Variants in CD8B observed in about 807,000 individuals in gnomAD.
CD8B encodes the protein CD8 subunit beta.
CD8B carries 6 observed loss-of-function variants against 24.2 expected under a neutral mutation model. That is an observed-to-expected ratio of 0.25 (90% CI 0.14 to 0.49). CD8B has a LOEUF of 0.49. Ranked by LOEUF, CD8B falls within the 20% of genes least tolerant of loss-of-function variation. The pLI, the probability that CD8B is intolerant of heterozygous loss-of-function variation, is 0.98. For synonymous variants in CD8B, 84 were observed against 108.3 expected, an observed-to-expected ratio of 0.78 and a Z score of 1.39; for missense variants, 196 against 271.3, an observed-to-expected ratio of 0.72 and a Z score of 1.95.
chr2:86,859,002 C>T (rs1676433959), intron 1 of CD8B, among the ~76,000 whole-genome samples: 1 of 152,052 alleles, frequency 6.6e-6, no homozygotes, highest in African/African-American at 2.4e-5. Flanking sequence ...TGTAAGTGGC[C>T]TAGGAGTCAA....
At chr2:86,860,951 C>G (rs1187661043) in intron 1 of CD8B, among the ~76,000 whole-genome samples, 1 of 152,212 alleles carries the variant, frequency 6.6e-6, no homozygotes, top group African/African-American at 2.4e-5. Flanking sequence ...ATGTTCCCCT[C>G]GGTAACCCAG....
intron 2 of CD8B, among the ~76,000 whole-genome samples, chr2:86,857,251 C>G (rs1342850598): frequency 6.6e-6 from 1 of 152,142 alleles, no homozygotes; most frequent in Non-Finnish European, 1.5e-5. Context: ...GGGCACCTGC[C>G]CCTAGAAATG....
At chr2:86,836,381 C>A (rs536322163), downstream of CD8B, among the ~76,000 whole-genome samples, 44 of 152,112 alleles carry the variant, frequency 2.9e-4, no homozygotes, top group Non-Finnish European at 6.2e-4. Context: ...AGACTGCGAG[C>A]CCTGGGGGCC....
chr2:86,828,306 TTG>T (rs72236144), intron 5 of CD8B, among the ~76,000 whole-genome samples: 5,878 of 142,242 alleles, frequency 0.041, 232 homozygotes, highest in African/African-American at 0.11. Context: ...ATAACTGGAA[TTG>T]TGTGTGTGTG....
At chr2:86,817,578 TATTC>T (rs907628178) in intron 5 of CD8B, among the ~76,000 whole-genome samples, 1 of 152,168 alleles carries the variant, frequency 6.6e-6, no homozygotes, top group Non-Finnish European at 1.5e-5. Context: ...TGCCATATAT[TATTC>T]ATTATTATGT....
At chr2:86,828,306 T>TTGTGTG (rs72236144) in intron 5 of CD8B, among the ~76,000 whole-genome samples, 264 of 143,504 alleles carry the variant, frequency 1.8e-3, no homozygotes, top group East Asian at 3.2e-3. Context: ...ATAACTGGAA[T>TTGTGTG]TGTGTGTGTG....
intron 5 of CD8B, among the ~76,000 whole-genome samples, chr2:86,831,882 A>C (rs6705448): frequency 0.79 from 119,635 of 152,148 alleles, 47,429 homozygotes; most frequent in East Asian, 0.98. Context: ...AGGAAAAAAA[A>C]CAAAATGAAA....
Position 86,838,166 on chromosome 2 carries a change from CT to C in CD8B, c.*4140del, listed in dbSNP as rs1455433888. ...CTTATTATAACAATGGCCAGAGGTTCTTTTTTTCCAAACTTTTAATTGCTTT... is the reference window on the plus strand; with the variant it reads ...CTTATTATAACAATGGCCAGAGGTTCTTTTTTCCAAACTTTTAATTGCTTT... On this transcript the variant is annotated 3_prime_UTR_variant, in exon 6 of 6. Transcript: ENST00000390655. Among the ~76,000 whole-genome samples, 2 of 152,130 alleles carry C rather than the reference CT, an allele frequency of 1.3e-5. No individual in the cohort carries two copies. Among genetic ancestry groups the C allele is most frequent in the South Asian group, 2.1e-4 (1 of 4,830 alleles).
chr2:86,854,917 C>A lies in CD8B; in HGVS notation c.404-1831G>T, dbSNP rs528219856. ...AGGCAGATCACCTGAGGTCAGGAGT[C>A]CAAGACCAGCCTGGCCAACATGGCA... On this transcript the variant is annotated intron_variant, in intron 2 of 5. Coordinates refer to ENST00000390655, the MANE Select transcript of CD8B (RefSeq NM_004931.5). Among the ~76,000 whole-genome samples the A allele has an allele frequency of 1.3e-4, 20 of 152,186 alleles. No individual in the cohort carries two copies. In the South Asian group the frequency reaches 4.1e-3, roughly 32 times the overall value.
downstream of CD8B, among the ~76,000 whole-genome samples, chr2:86,837,810 G>A (rs187964722): frequency 3.4e-4 from 51 of 148,952 alleles, no homozygotes; most frequent in African/African-American, 1.2e-3. Flanking sequence ...GGGGGAGGGG[G>A]GAACACCAGT....
At chr2:86,851,242 T>C (rs1675961573) in intron 3 of CD8B, among the ~76,000 whole-genome samples, 1 of 152,184 alleles carries the variant, frequency 6.6e-6, no homozygotes, top group South Asian at 2.1e-4. Context: ...TCGAATTTAG[T>C]GCTAGGATGA....
chr2:86,860,381 G>A (rs548991597), intron 1 of CD8B, among the ~76,000 whole-genome samples: 1 of 152,346 alleles, frequency 6.6e-6, no homozygotes. Context: ...ACACCACACT[G>A]CGGTTCCAGC....
intron 3 of CD8B, among the ~76,000 whole-genome samples, chr2:86,849,708 T>TTC (rs1675880270): frequency 6.7e-6 from 1 of 149,814 alleles, no homozygotes; most frequent in Admixed American, 6.6e-5. Flanking sequence ...AAGGTGTTTT[T>TTC]TTTTTTTTTT....
At chr2:86,815,723 CA>C (rs1558744685) in intron 5 of CD8B, 1 of 1,507,498 alleles carries the variant, frequency 6.6e-7, no homozygotes, top group East Asian at 2.3e-5. Context: ...TGAGGCCTTG[CA>C]AAAAGAAAAA....
At chr2:86,824,276 G>T (rs1674593042) in intron 5 of CD8B, among the ~76,000 whole-genome samples, 1 of 152,138 alleles carries the variant, frequency 6.6e-6, no homozygotes, top group South Asian at 2.1e-4. Flanking sequence ...AGATAGCAAG[G>T]CTGAGGCTCA....
intron 2 of CD8B, among the ~76,000 whole-genome samples, chr2:86,854,173 C>G (rs1676116833): frequency 1.3e-5 from 2 of 152,076 alleles, no homozygotes; most frequent in Non-Finnish European, 2.9e-5. Flanking sequence ...ATGAAAGGGA[C>G]AGTGTGTCCA....
chr2:86,837,323 A>G (rs536865085), downstream of CD8B, among the ~76,000 whole-genome samples: 1 of 152,324 alleles, frequency 6.6e-6, no homozygotes, highest in Admixed American at 6.5e-5. Flanking sequence ...TGTCTTTTTC[A>G]GCGCCTCTGC....
chr2:86,851,541 T>C (rs1369212862), intron 3 of CD8B, among the ~76,000 whole-genome samples: 1 of 152,228 alleles, frequency 6.6e-6, no homozygotes, highest in Non-Finnish European at 1.5e-5. Flanking sequence ...ACATTGGTTC[T>C]GATTTTCTTT....
intron 1 of CD8B, among the ~76,000 whole-genome samples, chr2:86,860,894 T>C (rs1252638656): frequency 6.6e-6 from 1 of 152,244 alleles, no homozygotes; most frequent in African/African-American, 2.4e-5. Context: ...CTCCGGGCTG[T>C]GGCCAAGGCC....
Sources: allele counts gnomAD v4.1 joint callset (sites outside exome capture counted in the v4.1 genomes callset), GRCh38; gene constraint gnomAD v4.1.1; transcripts MANE v1.5; gene names NCBI Gene and HGNC (gene_info 2026-07-23, HGNC 2026-07-21).